IL1RAPL1: variants seen among roughly 807,000 people sequenced by gnomAD.
IL1RAPL1 encodes the protein interleukin-1 receptor accessory protein-like 1.
IL1RAPL1 carries 3 observed loss-of-function variants against 48.4 expected under a neutral mutation model. The ratio of observed to expected loss-of-function variants is 0.06; its 90% confidence interval spans 0.03 to 0.16. IL1RAPL1 has a LOEUF of 0.16. Ranked by LOEUF, IL1RAPL1 falls within the 10% of genes least tolerant of loss-of-function variation. The pLI is 1.00. For synonymous variants in IL1RAPL1, 185 were observed against 187.7 expected, an observed-to-expected ratio of 0.99 and a Z score of 0.12; for missense variants, 349 against 530.6, an observed-to-expected ratio of 0.66 and a Z score of 3.36.
chrX:28,769,916 G>C (rs924687834), intron 1 of IL1RAPL1, among the ~76,000 whole-genome samples: 2 of 111,746 alleles, frequency 1.8e-5, no homozygotes, highest in African/African-American at 6.5e-5. Context: ...AAAAAGATAC[G>C]AATACTAAAG....
At chrX:29,682,295 C>G (rs1329545741) in intron 6 of IL1RAPL1, among the ~76,000 whole-genome samples, 2 of 111,053 alleles carry the variant, frequency 1.8e-5, no homozygotes, top group East Asian at 5.7e-4. Context: ...TTTATAGTCT[C>G]ATGCACTCTC....
At chrX:28,833,564 T>C (rs1921126954) in intron 2 of IL1RAPL1, among the ~76,000 whole-genome samples, 1 of 111,910 alleles carries the variant, frequency 8.9e-6, no homozygotes, top group African/African-American at 3.2e-5. Context: ...CTTGTGTTCC[T>C]CTGGTGATTA....
At chrX:28,841,294 T>G (rs898197365) in intron 2 of IL1RAPL1, among the ~76,000 whole-genome samples, 1 of 110,493 alleles carries the variant, frequency 9.1e-6, no homozygotes, top group Non-Finnish European at 1.9e-5. Flanking sequence ...AATGCATAAC[T>G]TAGAATAATT....
At chrX:29,038,964 T>C (rs1168228828) in intron 2 of IL1RAPL1, among the ~76,000 whole-genome samples, 2 of 111,324 alleles carry the variant, frequency 1.8e-5, no homozygotes, top group African/African-American at 6.5e-5. Flanking sequence ...TATAGAAAAC[T>C]TATTTATTTT....
At chrX:28,733,662 C>T (rs920557348) in intron 1 of IL1RAPL1, among the ~76,000 whole-genome samples, 2 of 111,564 alleles carry the variant, frequency 1.8e-5, no homozygotes, top group Non-Finnish European at 1.9e-5. Flanking sequence ...TGTCGACTCT[C>T]GTAGACTTCT....
intron 2 of IL1RAPL1, 54 bp from the exon 3 acceptor site, chrX:29,282,884 T>G (rs1234418432): frequency 1.2e-5 from 14 of 1,140,654 alleles, no homozygotes; most frequent in Non-Finnish European, 1.6e-5. Context: ...AATTGCTTAT[T>G]TTTTTTGCCT....
intron 1 of IL1RAPL1, among the ~76,000 whole-genome samples, chrX:28,618,265 CAT>C (rs1274115452): frequency 1.8e-5 from 2 of 112,000 alleles, no homozygotes; most frequent in East Asian, 5.6e-4. Flanking sequence ...AGGTGTGAAA[CAT>C]AAAACGATAT....
chrX:29,057,366 C>T (rs766383298), intron 2 of IL1RAPL1, among the ~76,000 whole-genome samples: 26 of 110,736 alleles, frequency 2.3e-4, no homozygotes, highest in Non-Finnish European at 4.0e-4. Context: ...AACCCAGAGT[C>T]TTGGGAGTGA....
chrX:29,760,866 G>T (rs923744238), intron 6 of IL1RAPL1, among the ~76,000 whole-genome samples: 1 of 112,001 alleles, frequency 8.9e-6, no homozygotes, highest in Non-Finnish European at 1.9e-5. Flanking sequence ...GAATTATTCA[G>T]TCATTCAACA....
intron 2 of IL1RAPL1, among the ~76,000 whole-genome samples, chrX:28,960,233 A>G (rs931448962): frequency 5.4e-5 from 6 of 111,520 alleles, no homozygotes; most frequent in Admixed American, 2.9e-4. Context: ...TTACTCATTA[A>G]TTTTTCTCCT....
intron 1 of IL1RAPL1, among the ~76,000 whole-genome samples, chrX:28,760,883 C>T (rs1043462175): frequency 4.5e-5 from 5 of 109,924 alleles, no homozygotes; most frequent in African/African-American, 1.0e-4. Flanking sequence ...GTCAGGAGTT[C>T]AAGACCAGCC....
At chrX:29,404,475 C>G (rs757288738) in intron 5 of IL1RAPL1, among the ~76,000 whole-genome samples, 3 of 111,046 alleles carry the variant, frequency 2.7e-5, no homozygotes, top group African/African-American at 9.8e-5. Context: ...CCTGGATATT[C>G]CAATTTTAAA....
chrX:29,425,421 G>A (rs1934338929), intron 5 of IL1RAPL1, among the ~76,000 whole-genome samples: 1 of 110,723 alleles, frequency 9.0e-6, no homozygotes, highest in Non-Finnish European at 1.9e-5. Flanking sequence ...TGTTTTTTTT[G>A]AGAATGAGGA....
intron 2 of IL1RAPL1, among the ~76,000 whole-genome samples, chrX:29,049,168 C>T (rs1316077042): frequency 8.9e-6 from 1 of 112,062 alleles, no homozygotes; most frequent in African/African-American, 3.2e-5. Context: ...AACATGCATC[C>T]CACAAAGCTT....
chrX:29,874,398 C>A (rs1931862341), intron 6 of IL1RAPL1, among the ~76,000 whole-genome samples: 1 of 112,042 alleles, frequency 8.9e-6, no homozygotes, highest in Non-Finnish European at 1.9e-5. Context: ...ATATAGTCAT[C>A]TTCTTTACTG....
At chrX:29,312,459 T>C (rs1274199589) in intron 3 of IL1RAPL1, among the ~76,000 whole-genome samples, 1 of 111,380 alleles carries the variant, frequency 9.0e-6, no homozygotes, top group Non-Finnish European at 1.9e-5. Flanking sequence ...CATTTTTATT[T>C]CTCTTATTCC....
rs754446560 is a variant in IL1RAPL1, at chrX:29,257,448, T to A, written c.83-25490T>A. On this transcript the variant is annotated intron_variant, in intron 2 of 10. Transcript: ENST00000378993. ...CAGCAACTTAAACGATGTAGATAAATAATAGTGACATTTTATCTCCCTTTC... is the reference window on the plus strand; with the variant it reads ...CAGCAACTTAAACGATGTAGATAAAAAATAGTGACATTTTATCTCCCTTTC... 1.7e-4 allele frequency among the ~76,000 whole-genome samples: 19 copies of A among 111,897 alleles called. No individual in the cohort carries two copies. In the South Asian group the frequency reaches 4.8e-3, roughly 28 times the overall value.
At chrX:29,336,269 C>CATATATATCTAT (rs1932993189) in intron 3 of IL1RAPL1, among the ~76,000 whole-genome samples, 1 of 57,474 alleles carries the variant, frequency 1.7e-5, no homozygotes, top group Non-Finnish European at 3.2e-5. Flanking sequence ...ATATATATGC[C>CATATATATCTAT]ATATATATAT....
At chrX:29,762,193 G>A (rs140053506) in intron 6 of IL1RAPL1, among the ~76,000 whole-genome samples, 2,406 of 111,833 alleles carry the variant, frequency 0.022, 74 homozygotes, top group African/African-American at 0.074. Flanking sequence ...TCATTGAAAT[G>A]CGAGACAGTG....
Sources: gnomAD v4.1 joint callset for allele counts (sites outside exome capture counted in the v4.1 genomes callset) on GRCh38, gnomAD v4.1.1 for gene constraint, MANE v1.5 for transcripts, NCBI Gene and HGNC (gene_info 2026-07-23, HGNC 2026-07-21) for gene names.